Variants in LAMC3 observed in about 807,000 individuals in gnomAD.
The protein encoded by LAMC3 is laminin subunit gamma-3.
A neutral mutation model predicts 173.8 loss-of-function variants in LAMC3; 128 were observed. The ratio of observed to expected loss-of-function variants is 0.74; its 90% CI spans 0.64 to 0.85. The LOEUF (loss-of-function observed/expected upper bound fraction) is 0.85, where lower values mean the gene tolerates loss of function less well. LAMC3 is among the 40% of genes least tolerant of loss of function. The probability of loss-of-function intolerance (pLI) is 0.00; values close to 1 mark genes in which losing one functional copy is unlikely to be tolerated. For synonymous variants in LAMC3, 897 were observed against 909.1 expected, an observed-to-expected ratio of 0.99 and a Z score of 0.24; for missense variants, 2,022 against 2,156.0, an observed-to-expected ratio of 0.94 and a Z score of 1.23.
chr9:131,026,488 G>A lies in LAMC3; in HGVS notation c.577G>A (p.Glu193Lys), dbSNP rs1197335332. ...CGAGCGCGTGGCCTTCTGCACCTCT[G>A]AGTTCAGCGACATCTCCCCGCTGAG... ...EDERVAFCTSEFSDISPLSGG... is the reference protein window; with the variant it reads ...EDERVAFCTSKFSDISPLSGG... The change falls in exon 2 of 28, where the codon GAG (glutamate) becomes AAG (lysine). Residue 193 changes from glutamate to lysine, a missense_variant. Physicochemically the swap from Glu to Lys is moderately conservative, Grantham distance 56. Coordinates refer to ENST00000361069, the MANE Select transcript of LAMC3 (RefSeq NM_006059.4). The surrounding 1 kb of genome is among the most constrained non-coding windows in gnomAD (Gnocchi z 4.8). 6.2e-7 allele frequency: 1 copy of A among 1,613,324 alleles called. No homozygotes were observed. The highest frequency in any genetic ancestry group is 1.3e-5 in the African/African-American group (1 of 74,936).
rs560087271 is a variant in LAMC3, at chr9:131,040,375, T to G, written c.1283+1127T>G. Among the ~76,000 whole-genome samples the G allele has an allele frequency of 4.3e-4, 65 of 152,158 alleles. 2 individuals carry two copies. The South Asian group carries it at 0.013, about 32-fold the overall frequency. On this transcript the variant is annotated intron_variant, in intron 6 of 27. Transcript: ENST00000361069. ...GTATTTTTTGGTAGAGATGGGGTTT[T>G]GCCATGTTGCCCAAGCTGGTCTCAA...
chr9:131,090,206 C>T (rs546065184), intron 27 of LAMC3, among the ~76,000 whole-genome samples: 2 of 152,258 alleles, frequency 1.3e-5, no homozygotes, highest in East Asian at 1.9e-4. Context: ...AGCCACTAGT[C>T]GACACCTAAG....
intron 27 of LAMC3, among the ~76,000 whole-genome samples, chr9:131,089,133 C>T (rs866027300): frequency 9.0e-5 from 12 of 133,358 alleles, no homozygotes; most frequent in Middle Eastern, 4.5e-3. Context: ...AATGAGAACA[C>T]TCAGACACAG....
chr9:131,012,647 T>A (rs1204883562), intron 1 of LAMC3, among the ~76,000 whole-genome samples: 1 of 152,218 alleles, frequency 6.6e-6, no homozygotes, highest in East Asian at 1.9e-4. Context: ...ATGGCTTGCA[T>A]AATAGCGGGG....
At chr9:131,072,515 C>T (rs1456938650) in intron 18 of LAMC3, 115 bp from the exon 19 acceptor site, 2 of 855,634 alleles carry the variant, frequency 2.3e-6, no homozygotes, top group South Asian at 2.9e-5. Context: ...CCTGTTGGTG[C>T]TCAGGGCTGC....
rs1240862483 is a variant in LAMC3, at chr9:131,062,377, G to A, written c.2347+1154G>A. On this transcript the variant is annotated intron_variant, in intron 13 of 27. Transcript: ENST00000361069. ...ACTCTGTCTCAAAAAATAAAATAAA[G>A]TATAATTCAATGACTTTTGACATGT... Among the ~76,000 whole-genome samples, 5 of 152,012 alleles carry A rather than the reference G, an allele frequency of 3.3e-5. 1 individual carries two copies. In the East Asian group the frequency reaches 7.7e-4, roughly 24 times the overall value.
At chr9:131,031,836 A>G (rs1264959267) in intron 2 of LAMC3, among the ~76,000 whole-genome samples, 1 of 152,188 alleles carries the variant, frequency 6.6e-6, no homozygotes, top group African/African-American at 2.4e-5. Context: ...ATGCAGTTGC[A>G]CTAATCAGTA....
chr9:131,064,436 G>C (rs1829886543), intron 13 of LAMC3, among the ~76,000 whole-genome samples: 1 of 148,238 alleles, frequency 6.7e-6, no homozygotes, highest in South Asian at 2.2e-4. Flanking sequence ...GGCTGAGGCG[G>C]GCAGATCACA....
chr9:131,042,169 C>T (rs1457694710), intron 7 of LAMC3, among the ~76,000 whole-genome samples: 1 of 152,058 alleles, frequency 6.6e-6, no homozygotes, highest in Non-Finnish European at 1.5e-5. Context: ...CACAGGCCTC[C>T]CGTTTCACAC....
At chr9:131,053,418 G>A (rs886386983) in intron 11 of LAMC3, among the ~76,000 whole-genome samples, 1 of 152,204 alleles carries the variant, frequency 6.6e-6, no homozygotes, top group Non-Finnish European at 1.5e-5. Context: ...TCCCAAAGAG[G>A]GGGCCAAGCC....
chr9:131,036,057 G>C (rs1833937356), intron 3 of LAMC3, 109 bp from the exon 4 acceptor site: 1 of 1,131,706 alleles, frequency 8.8e-7, no homozygotes. Flanking sequence ...GGCCAAGATT[G>C]AGGGTGGAGT....
intron 6 of LAMC3, among the ~76,000 whole-genome samples, chr9:131,039,546 G>A (rs1186190372): frequency 6.6e-6 from 1 of 152,102 alleles, no homozygotes; most frequent in East Asian, 1.9e-4. Context: ...GTTTGAGGTG[G>A]GGTGGGGGGC....
chr9:131,028,633 G>T (rs1222754102), intron 2 of LAMC3, among the ~76,000 whole-genome samples: 1 of 152,100 alleles, frequency 6.6e-6, no homozygotes, highest in Non-Finnish European at 1.5e-5. Context: ...GCAATTTTTT[G>T]CAATGAAAGG....
chr9:131,045,786 C>G, intron 8 of LAMC3, 126 bp downstream of exon 8: 1 of 1,231,084 alleles, frequency 8.1e-7, no homozygotes, highest in Non-Finnish European at 1.2e-6. Flanking sequence ...GCCTGCACAG[C>G]CTAGGTGGGG....
rs1295894900 is a variant in LAMC3 at position 131,087,507 on chromosome 9, A to G, written c.4262A>G (p.Gln1421Arg). 1.9e-6 allele frequency: 3 copies of G among 1,613,666 alleles called. No homozygotes were observed. Among genetic ancestry groups the G allele is most frequent in the Non-Finnish European group, 2.5e-6 (3 of 1,180,006 alleles). ...LAKALLRERK[Q>R]AHRRASRLTS... ...AAGGCCTTGCTGAGGGAGCGGAAAC[A>G]GGCGCACCGCCGTGCCAGCAGGCTC... Residue 1421 changes from glutamine (Q) to arginine (R), a missense_variant, in exon 26 of 28, where the codon CAG (glutamine) becomes CGG (arginine). Physicochemically the swap from Gln to Arg is conservative, Grantham distance 43. Coordinates refer to ENST00000361069, the MANE Select transcript of LAMC3 (RefSeq NM_006059.4).
intron 16 of LAMC3, 114 bp downstream of exon 16, chr9:131,069,164 A>T (rs1829995842): frequency 7.8e-7 from 1 of 1,279,118 alleles, no homozygotes; most frequent in Admixed American, 1.8e-5. Flanking sequence ...CAGACATGGG[A>T]CAGGGTCCCG....
intron 6 of LAMC3, 88 bp downstream of exon 6, chr9:131,039,336 C>T (rs1834003267): frequency 1.9e-6 from 2 of 1,071,284 alleles, no homozygotes; most frequent in Non-Finnish European, 2.8e-6. Context: ...CCTCCCCTCC[C>T]CATCCCTTCC....
At chr9:131,039,509 A>G (rs1371859235) in intron 6 of LAMC3, among the ~76,000 whole-genome samples, 1 of 151,946 alleles carries the variant, frequency 6.6e-6, no homozygotes, top group African/African-American at 2.4e-5. Context: ...GGTGCTGCAT[A>G]AGTGCAGGGA....
chr9:131,025,971 A>G (rs1037147018), intron 1 of LAMC3, among the ~76,000 whole-genome samples: 9 of 152,216 alleles, frequency 5.9e-5, no homozygotes, highest in Admixed American at 3.3e-4. Context: ...ATGTGGCAAC[A>G]TCCCATTGCT....
Sources: allele counts gnomAD v4.1 joint callset (sites outside exome capture counted in the v4.1 genomes callset), GRCh38; gene constraint gnomAD v4.1.1; non-coding constraint Gnocchi (gnomAD v3.1); transcripts MANE v1.5; gene names NCBI Gene and HGNC (gene_info 2026-07-23, HGNC 2026-07-21).